Variants in FBXO11 observed in about 807,000 individuals in gnomAD.
FBXO11 encodes the protein F-box only protein 11.
Under a neutral mutation model 117.0 loss-of-function variants are expected in FBXO11, and 13 were observed. The ratio of observed to expected loss-of-function variants is 0.11; its 90% CI spans 0.07 to 0.18. The LOEUF (loss-of-function observed/expected upper bound fraction) is 0.18, where lower values mean the gene tolerates loss of function less well. Ranked by LOEUF, FBXO11 falls within the 10% of genes least tolerant of loss-of-function variation. The probability of loss-of-function intolerance (pLI) is 1.00; values close to 1 mark genes in which losing one functional copy is unlikely to be tolerated. For missense variants in FBXO11, 767 were observed against 1,164.4 expected, an observed-to-expected ratio of 0.66 and a Z score of 4.97; for synonymous variants, 490 against 380.5, an observed-to-expected ratio of 1.29 and a Z score of -3.35.
At position 47,879,641 on chromosome 2, in the gene FBXO11, G is replaced by T. The variant is rs1390140026; in HGVS notation, c.232+25848C>A. Among the ~76,000 whole-genome samples, 5 of 152,278 alleles carry T rather than the reference G, an allele frequency of 3.3e-5. No homozygotes were observed. The East Asian group carries it at 9.6e-4, about 29-fold the overall frequency. ...CAAGTACTTACTGCATGTATATCAG[G>T]AAGGCTACCCTCTGTCTATGATTAA... On this transcript the variant is annotated intron_variant, in intron 1 of 22. Coordinates refer to ENST00000403359, the MANE Select transcript of FBXO11 (RefSeq NM_001190274.2).
intron 16 of FBXO11, among the ~76,000 whole-genome samples, chr2:47,816,083 C>T (rs1670985668): frequency 6.6e-6 from 1 of 152,208 alleles, no homozygotes; most frequent in African/African-American, 2.4e-5. Context: ...AGAACCCTGG[C>T]GACCCCTTGG....
At chr2:47,891,506 TTTC>T (rs1466857989) in intron 1 of FBXO11, among the ~76,000 whole-genome samples, 2 of 152,250 alleles carry the variant, frequency 1.3e-5, no homozygotes, top group Non-Finnish European at 2.9e-5. Context: ...ATTTTCTTTA[TTTC>T]TTCATCTGTC....
At chr2:47,866,361 A>G (rs1027153329) in intron 1 of FBXO11, among the ~76,000 whole-genome samples, 2 of 152,074 alleles carry the variant, frequency 1.3e-5, no homozygotes, top group Non-Finnish European at 2.9e-5. Context: ...ATAACATACA[A>G]CATCTACAAA....
Position 47,813,884 on chromosome 2 carries a change from CAAT to C in FBXO11, c.2007-20_2007-18del, listed in dbSNP as rs1204368998. 6.3e-7 allele frequency: 1 copy of C among 1,577,564 alleles called. No individual in the cohort carries two copies. On this transcript the variant is annotated intron_variant, in intron 16 of 22. Coordinates refer to ENST00000403359, the MANE Select transcript of FBXO11 (RefSeq NM_001190274.2). The stretch of plus-strand genomic sequence containing the variant: ...CTTCCAGTCCTGTAAACAGAATAGA[CAAT>C]AATACCATTTCAATAGCTTCTACTC...
chr2:47,825,091 AT>A (rs199660223), intron 11 of FBXO11, among the ~76,000 whole-genome samples: 10,888 of 151,964 alleles, frequency 0.072, 554 homozygotes, highest in Non-Finnish European at 0.11. Context: ...GATTTGATGA[AT>A]TTTTTTTGCC....
chr2:47,834,688 G>C lies in FBXO11; in HGVS notation c.825C>G (p.Ala275=). 6.2e-7 allele frequency: 1 copy of C among 1,611,692 alleles called. No homozygotes were observed. Among genetic ancestry groups the C allele is most frequent in the Non-Finnish European group, 8.5e-7 (1 of 1,179,138 alleles). The change falls in exon 7 of 23, where the codon GCC becomes GCG. Residue 275 remains alanine (A), a synonymous_variant. Transcript: ENST00000403359. ...AATGAGCCTCTTGTACCCCACCAAG[G>C]GCATCTTCAATAGTATCATAATACT... The part of the protein sequence containing the change: ...NMLYYDTIED[A]LGGVQEAHFD...
At chr2:47,836,727 GAA>G (rs919195925) in intron 4 of FBXO11, among the ~76,000 whole-genome samples, 1 of 152,008 alleles carries the variant, frequency 6.6e-6, no homozygotes, top group East Asian at 1.9e-4. Context: ...TCAGGAAGGG[GAA>G]AAAAAGTTAT....
Position 47,905,941 on chromosome 2 carries a change from G to T in FBXO11, c.-221C>A. On this transcript the variant is annotated 5_prime_UTR_variant, in exon 1 of 23. Coordinates refer to ENST00000403359, the MANE Select transcript of FBXO11 (RefSeq NM_001190274.2). The stretch of plus-strand genomic sequence containing the variant: ...GAGACCGAGCGAGGCCGGCCGGGAG[G>T]GCCTGACGCACGGGGAAGGCCGAAG... 1 of 481,420 alleles carries T rather than the reference G, an allele frequency of 2.1e-6. No individual in the cohort carries two copies. The highest frequency in any genetic ancestry group is 3.5e-6 in the Non-Finnish European group (1 of 285,946). The allele number at this position is 481,420 out of a possible 1,614,324, so 29.8% of individuals were successfully genotyped here.
intron 11 of FBXO11, among the ~76,000 whole-genome samples, chr2:47,829,986 TAGC>T (rs1672060522): frequency 6.6e-6 from 1 of 151,066 alleles, no homozygotes; most frequent in Admixed American, 6.6e-5. Context: ...GGAAGCAAAA[TAGC>T]AGCAGAAAAA....
At chr2:47,902,849 C>G (rs1201790091) in intron 1 of FBXO11, among the ~76,000 whole-genome samples, 2 of 151,904 alleles carry the variant, frequency 1.3e-5, no homozygotes, top group African/African-American at 4.8e-5. Context: ...GTTGTCTGAT[C>G]CACTATTAAG....
At chr2:47,830,971 G>T (rs1351836838) in intron 11 of FBXO11, among the ~76,000 whole-genome samples, 1 of 151,908 alleles carries the variant, frequency 6.6e-6, no homozygotes, top group Non-Finnish European at 1.5e-5. Context: ...GCTAATTTTT[G>T]TATTTTTTGT....
intron 4 of FBXO11, chr2:47,837,084 A>G (rs200180208): frequency 8.0e-5 from 18 of 224,532 alleles, no homozygotes; most frequent in African/African-American, 9.5e-5. Context: ...AATTTGTCCT[A>G]TATCTTCAGT....
intron 1 of FBXO11, among the ~76,000 whole-genome samples, chr2:47,883,230 G>C (rs1393183256): frequency 1.3e-5 from 2 of 152,104 alleles, no homozygotes; most frequent in Admixed American, 1.3e-4. Context: ...AGAATAAACT[G>C]AATTTTCCTG....
chr2:47,811,725 T>C (rs1670627044), intron 18 of FBXO11: 2 of 152,340 alleles, frequency 1.3e-5, no homozygotes, highest in South Asian at 4.1e-4. Context: ...ACCCATCATA[T>C]TTCACTTTAC....
rs142051904 is a variant in FBXO11 at position 47,847,581 on chromosome 2, C to T, written c.233-7812G>A. On this transcript the variant is annotated intron_variant, in intron 1 of 22. Coordinates refer to ENST00000403359, the MANE Select transcript of FBXO11 (RefSeq NM_001190274.2). ...AAAATTAGCAAGGCATGGTGGCATA[C>T]GCCTGTAGTCCCAGCTACTCAGGAG... 8.8e-4 allele frequency among the ~76,000 whole-genome samples: 134 copies of T among 152,082 alleles called. 1 individual carries two copies. Among genetic ancestry groups the T allele is most frequent in the East Asian group, 2.9e-3 (15 of 5,140 alleles).
At chr2:47,831,377 T>C (rs897299561) in intron 11 of FBXO11, among the ~76,000 whole-genome samples, 44 of 143,870 alleles carry the variant, frequency 3.1e-4, no homozygotes, top group African/African-American at 9.4e-4. Flanking sequence ...ATCACACCAT[T>C]GCCATTGCAC....
At chr2:47,845,920 C>T (rs1673371713) in intron 1 of FBXO11, among the ~76,000 whole-genome samples, 1 of 151,502 alleles carries the variant, frequency 6.6e-6, no homozygotes, top group South Asian at 2.1e-4. Flanking sequence ...ACTGCCTTAA[C>T]TTCCTTCCAA....
At chr2:47,811,805 A>G (rs6742522) in intron 18 of FBXO11, 121,441 of 152,116 alleles carry the variant, frequency 0.8, 49,145 homozygotes, top group African/African-American at 0.94. Context: ...ATACGGTCTT[A>G]CTACATTGCC....
At chr2:47,860,140 C>A (rs1674640797) in intron 1 of FBXO11, among the ~76,000 whole-genome samples, 1 of 152,154 alleles carries the variant, frequency 6.6e-6, no homozygotes, top group Non-Finnish European at 1.5e-5. Context: ...GGTTTTAGAA[C>A]TATGCTATGC....
Sources: gnomAD v4.1 joint callset for allele counts (sites outside exome capture counted in the v4.1 genomes callset) on GRCh38, gnomAD v4.1.1 for gene constraint, MANE v1.5 for transcripts, NCBI Gene and HGNC (gene_info 2026-07-23, HGNC 2026-07-21) for gene names.